The following ABCD2 variants were observed in gnomAD, a reference collection of about 807,000 sequenced individuals.
ABCD2 encodes the protein ATP binding cassette subfamily D member 2.
Under a neutral mutation model 70.9 loss-of-function variants are expected in ABCD2, and 36 were observed. The ratio of observed to expected loss-of-function variants is 0.51; its 90% CI spans 0.39 to 0.67. The LOEUF is 0.67. ABCD2 is among the 30% of genes least tolerant of loss of function. ABCD2 has a pLI of 0.00. For synonymous variants in ABCD2, 304 were observed against 306.9 expected (o/e 0.99, Z 0.10); for missense variants, 729 against 890.2 (o/e 0.82, Z 2.30).
chr12:39,583,392 A>T (rs1444264385), intron 7 of ABCD2, among the ~76,000 whole-genome samples: 1 of 152,234 alleles, frequency 6.6e-6, no homozygotes, highest in African/African-American at 2.4e-5. Flanking sequence ...GTAAAATAGA[A>T]CATAAAATAC....
At position 39,596,193 on chromosome 12, in the gene ABCD2, A is replaced by G. The variant is rs1475711043; in HGVS notation, c.1646+4378T>C. On this transcript the variant is annotated intron_variant, in intron 6 of 9. Coordinates refer to ENST00000308666, the MANE Select transcript of ABCD2 (RefSeq NM_005164.4). ...ACCTATTTAGAAATTGGAGAAACTGATGCAATCCATGGCAACTGTTCAAAT... is the reference window on the plus strand; with the variant it reads ...ACCTATTTAGAAATTGGAGAAACTGGTGCAATCCATGGCAACTGTTCAAAT... 2.6e-5 allele frequency among the ~76,000 whole-genome samples: 4 copies of G among 152,308 alleles called. No homozygotes were observed. The East Asian group carries it at 7.7e-4, about 29-fold the overall frequency.
At chr12:39,544,153 A>T in the ABCD2 span, among the ~76,000 whole-genome samples, 1 of 152,156 alleles carries the variant, frequency 6.6e-6, no homozygotes, top group Non-Finnish European at 1.5e-5. Flanking sequence ...GAAGCCAGTG[A>T]GCCAGAAGTG....
At chr12:39,564,121 A>G (rs1035871567) in intron 9 of ABCD2, among the ~76,000 whole-genome samples, 1 of 152,184 alleles carries the variant, frequency 6.6e-6, no homozygotes, top group Non-Finnish European at 1.5e-5. Flanking sequence ...AGCATGATTT[A>G]TAATCCTTTG....
rs751049564 is a variant in ABCD2, at chr12:39,619,404, G to A, written c.212C>T (p.Thr71Ile). 3 of 1,613,974 alleles carry A rather than the reference G, an allele frequency of 1.9e-6. No homozygotes were observed. Among genetic ancestry groups the A allele is most frequent in the Non-Finnish European group, 2.5e-6 (3 of 1,180,032 alleles). Residue 71 changes from threonine (T) to isoleucine (I), a missense_variant, in exon 1 of 10, where the codon ACC becomes ATC. Around this residue, in one of 3 missense-constraint regions of ABCD2, gnomAD observed 245 missense variants for 261.2 expected, o/e 0.94. Transcript: ENST00000308666. ...TCCAGGCGAAGGTTTTTCACAAATG[G>A]TCTCGGTGCAATGCAGTATTTCTGT... Reference protein sequence around the residue: ...ENTEILHCTETICEKPSPGVN... With the variant: ...ENTEILHCTEIICEKPSPGVN...
At chr12:39,557,889 C>T (rs1000802127) in intron 9 of ABCD2, among the ~76,000 whole-genome samples, 1 of 152,204 alleles carries the variant, frequency 6.6e-6, no homozygotes, top group Non-Finnish European at 1.5e-5. Context: ...GGTCAGAGCC[C>T]TTATGGAGAA....
the ABCD2 span, among the ~76,000 whole-genome samples, chr12:39,544,137 TG>T: frequency 1.9e-4 from 29 of 152,046 alleles, no homozygotes; most frequent in East Asian, 5.6e-3. Context: ...ACTTGGTGGG[TG>T]GGGGGAAGCC....
chr12:39,544,939 A>T, the ABCD2 span, among the ~76,000 whole-genome samples: 1 of 152,222 alleles, frequency 6.6e-6, no homozygotes, highest in South Asian at 2.1e-4. Context: ...GAGTAGTACA[A>T]TTTCCAATTT....
chr12:39,565,704 G>A (rs1373270480), intron 9 of ABCD2, among the ~76,000 whole-genome samples: 1 of 152,108 alleles, frequency 6.6e-6, no homozygotes. Flanking sequence ...CCTGTCTTGT[G>A]CCAGTTTTCA....
At chr12:39,596,643 C>G (rs142740084) in intron 6 of ABCD2, among the ~76,000 whole-genome samples, 3 of 152,264 alleles carry the variant, frequency 2.0e-5, no homozygotes, top group East Asian at 3.9e-4. Context: ...TTGTGGGAAG[C>G]CTGAATCTAT....
At chr12:39,534,701 C>CGGAAGGAAGGAA in the ABCD2 span, among the ~76,000 whole-genome samples, 6,841 of 111,092 alleles carry the variant, frequency 0.062, 464 homozygotes, top group South Asian at 0.24. Context: ...GAAGGAAGGA[C>CGGAAGGAAGGAA]GGAAGGAAGG....
rs955275476 is a variant in ABCD2, at chr12:39,597,025, A to T, written c.1646+3546T>A. 5.3e-5 allele frequency among the ~76,000 whole-genome samples: 8 copies of T among 152,236 alleles called. No individual in the cohort carries two copies. The South Asian group carries it at 8.3e-4, about 16-fold the overall frequency. The stretch of plus-strand genomic sequence containing the variant: ...TGTTGTTGTTTTCAGTGTTTATTTT[A>T]AAAATATTTTTTATTCATGGTGGGT... On this transcript the variant is annotated intron_variant, in intron 6 of 9. Coordinates refer to ENST00000308666, the MANE Select transcript of ABCD2 (RefSeq NM_005164.4).
intron 6 of ABCD2, among the ~76,000 whole-genome samples, chr12:39,598,545 C>T (rs992401696): frequency 3.3e-5 from 5 of 152,066 alleles, no homozygotes; most frequent in Admixed American, 2.0e-4. Flanking sequence ...GGATTACAGG[C>T]ACGCACCACC....
rs1347380578 is a variant in ABCD2 at position 39,619,420 on chromosome 12, G to GT, written c.195dup (p.Leu66ThrfsTer9). 1 of 1,613,992 alleles carries GT rather than the reference G, an allele frequency of 6.2e-7. No homozygotes were observed. The highest frequency in any genetic ancestry group is 8.5e-7 in the Non-Finnish European group (1 of 1,180,036). Reference sequence around the variant, plus strand: ...TCACAAATGGTCTCGGTGCAATGCAGTATTTCTGTGTTCTCTGCAGCAGGG... The same window carrying GT: ...TCACAAATGGTCTCGGTGCAATGCAGTTATTTCTGTGTTCTCTGCAGCAGGG... On this transcript the variant is annotated frameshift_variant, in exon 1 of 10. Coordinates refer to ENST00000308666, the MANE Select transcript of ABCD2 (RefSeq NM_005164.4). LOFTEE classifies it high-confidence loss of function.
intron 9 of ABCD2, among the ~76,000 whole-genome samples, chr12:39,568,764 A>G (rs947608789): frequency 3.3e-5 from 5 of 151,818 alleles, no homozygotes; most frequent in African/African-American, 7.3e-5. Flanking sequence ...GGTTTTATCT[A>G]TCTTTGGTCT....
chr12:39,581,089 A>T (rs1941589738), intron 7 of ABCD2, among the ~76,000 whole-genome samples: 1 of 152,108 alleles, frequency 6.6e-6, no homozygotes, highest in Non-Finnish European at 1.5e-5. Context: ...AATTACCACT[A>T]CAAAGTACAT....
intron 1 of ABCD2, among the ~76,000 whole-genome samples, chr12:39,617,785 T>A (rs116270941): frequency 6.6e-6 from 1 of 152,326 alleles, no homozygotes; most frequent in African/African-American, 2.4e-5. Context: ...TAATTCTGCT[T>A]GGTGATTGAC....
rs539912398 is a variant in ABCD2, at chr12:39,564,798, A to G, written c.2003+8918T>C. ...TAAGTCTTGAATCCATCTTGAATTA[A>G]TTTTTGTATAAGGTGTAAGGAAGGG... On this transcript the variant is annotated intron_variant, in intron 9 of 9. Transcript: ENST00000308666. 1.5e-4 allele frequency among the ~76,000 whole-genome samples: 23 copies of G among 152,252 alleles called. No individual in the cohort carries two copies. The South Asian group carries it at 4.6e-3, about 30-fold the overall frequency.
In ABCD2 at chr12:39,553,926, CT is replaced by C; in HGVS notation, c.2208del (p.Asp737MetfsTer8). ...GTCAAAACAAATTAAGATGTCTCAT[CT>C]TCATTTTTAATTGTTTTCAGCACTG... Reference protein sequence around the residue: ...EDSVLKTIKNEDETS With the variant: ...EDSVLKTIKNXDETS On this transcript the variant is annotated frameshift_variant, in exon 10 of 10. Transcript: ENST00000308666. LOFTEE classifies it high-confidence loss of function. The C allele has an allele frequency of 6.2e-7, 1 of 1,608,462 alleles. No homozygotes were observed. The highest frequency in any genetic ancestry group is 8.5e-7 in the Non-Finnish European group (1 of 1,177,418).
At chr12:39,578,762 C>T (rs985018138) in intron 8 of ABCD2, among the ~76,000 whole-genome samples, 5 of 151,622 alleles carry the variant, frequency 3.3e-5, no homozygotes, top group African/African-American at 1.2e-4. Context: ...TCCCTTTTTC[C>T]ATTGGCTATG....
Sources: gnomAD v4.1 joint callset for allele counts (sites outside exome capture counted in the v4.1 genomes callset) on GRCh38, gnomAD v4.1.1 for gene constraint, gnomAD v4.1.1 regional missense constraint, MANE v1.5 for transcripts, NCBI Gene and HGNC (gene_info 2026-07-23, HGNC 2026-07-21) for gene names.